Variants in HEPHL1 observed in about 807,000 individuals in gnomAD.
The protein encoded by HEPHL1 is hephaestin like 1.
In HEPHL1, 123 loss-of-function variants were observed where a neutral mutation model predicts 122.0. That is an observed-to-expected ratio of 1.01 (90% CI 0.87 to 1.17). The LOEUF (loss-of-function observed/expected upper bound fraction) is 1.17. Among genes scored for constraint, HEPHL1 ranks in the 50% most tolerant of loss-of-function variants. The pLI, the probability that HEPHL1 is intolerant of heterozygous loss-of-function variation, is 0.00. For synonymous variants in HEPHL1, 527 were observed against 508.9 expected (o/e 1.04, Z -0.48); for missense variants, 1,452 against 1,430.5 (o/e 1.01, Z -0.24).
intron 9 of HEPHL1, among the ~76,000 whole-genome samples, chr11:94,077,163 A>G (rs1361657676): frequency 6.6e-6 from 1 of 152,196 alleles, no homozygotes; most frequent in Non-Finnish European, 1.5e-5. Context: ...CCTAAAAACA[A>G]GGACCCTCTC....
chr11:94,070,439 G>C lies in HEPHL1; in HGVS notation c.1129G>C (p.Gly377Arg), dbSNP rs1431402087. The C allele has an allele frequency of 1.2e-6, 2 of 1,607,208 alleles. No individual in the cohort carries two copies. The highest frequency in any genetic ancestry group is 8.5e-7 in the Non-Finnish European group (1 of 1,176,548). The change falls in exon 6 of 20, where the codon GGT becomes CGT. Residue 377 changes from glycine (G) to arginine (R), a missense_variant. By Grantham distance (125) the Gly-to-Arg change is moderately radical. Coordinates refer to ENST00000315765, the MANE Select transcript of HEPHL1 (RefSeq NM_001098672.2). ...TGATATTTTCTACCCCAAGATGAAG[G>C]GTCAACAGAGGCGCTACTTTATAGC... is the stretch of plus-strand genomic sequence containing the variant. ...KSDIFYPKMK[G>R]QQRRYFIAAE...
At chr11:94,070,938 T>G (rs1211207998) in intron 6 of HEPHL1, among the ~76,000 whole-genome samples, 1 of 152,082 alleles carries the variant, frequency 6.6e-6, no homozygotes, top group Non-Finnish European at 1.5e-5. Context: ...CCTAAGAGGG[T>G]TACCCTTTTT....
intron 1 of HEPHL1, among the ~76,000 whole-genome samples, chr11:94,039,421 T>C (rs1185865550): frequency 6.6e-6 from 1 of 151,778 alleles, no homozygotes; most frequent in African/African-American, 2.4e-5. Context: ...AATATACATT[T>C]TTTTCAGCAC....
intron 10 of HEPHL1, among the ~76,000 whole-genome samples, chr11:94,085,647 A>T (rs1946210641): frequency 6.6e-6 from 1 of 152,236 alleles, no homozygotes; most frequent in African/African-American, 2.4e-5. Flanking sequence ...ATAGGAAAAT[A>T]ACCACAAAAG....
At position 94,088,844 on chromosome 11, in the gene HEPHL1, C is replaced by G. The variant is rs535559824; in HGVS notation, c.2170C>G (p.Pro724Ala). The change falls in exon 12 of 20, where the codon CCT becomes GCT. Residue 724 changes from proline (P) to alanine (A), a missense_variant. Transcript: ENST00000315765. ...YEVSSCDNRDPSEQRYGMIRT... is the reference protein window; with the variant it reads ...YEVSSCDNRDASEQRYGMIRT... ...GGTCAGCAGCTGTGACAACAGGGAC[C>G]CTTCTGAGCAGCGGTACGGGATGAT... 8.1e-6 allele frequency: 13 copies of G among 1,613,914 alleles called. No homozygotes were observed. In the African/African-American group the frequency reaches 1.7e-4, roughly 22 times the overall value.
intron 13 of HEPHL1, among the ~76,000 whole-genome samples, chr11:94,098,699 G>T (rs1256245053): frequency 6.6e-6 from 1 of 152,182 alleles, no homozygotes; most frequent in Non-Finnish European, 1.5e-5. Context: ...TTTCTTGGAG[G>T]CTTTGTTCGT....
chr11:94,075,026 C>T (rs1946108396), intron 8 of HEPHL1, 148 bp from the exon 9 acceptor site: 2 of 634,512 alleles, frequency 3.2e-6, no homozygotes, highest in Admixed American at 2.7e-5. Context: ...GCAGTGGCCT[C>T]TTCTGGTAGG....
intron 9 of HEPHL1, among the ~76,000 whole-genome samples, chr11:94,077,088 T>A (rs188848801): frequency 1.7e-3 from 261 of 152,342 alleles, no homozygotes; most frequent in African/African-American, 6.1e-3. Context: ...TCTTTGTTTT[T>A]ATGGGTTATT....
At chr11:94,033,615 T>C (rs189492284) in intron 1 of HEPHL1, among the ~76,000 whole-genome samples, 109 of 152,294 alleles carry the variant, frequency 7.2e-4, no homozygotes, top group Non-Finnish European at 9.0e-4. Flanking sequence ...ATAAAATCTA[T>C]TGGCTGTCCT....
intron 9 of HEPHL1, among the ~76,000 whole-genome samples, chr11:94,077,437 G>A (rs969792836): frequency 5.9e-5 from 9 of 151,930 alleles, no homozygotes; most frequent in East Asian, 1.9e-4. Flanking sequence ...TGGAGTACAC[G>A]AGATGTTTTG....
intron 2 of HEPHL1, among the ~76,000 whole-genome samples, chr11:94,053,560 G>A (rs557232406): frequency 6.6e-6 from 1 of 151,430 alleles, no homozygotes; most frequent in East Asian, 1.9e-4. Context: ...TGATTTGAGA[G>A]TTTTTTTTAA....
chr11:94,047,861 G>T (rs913742591), intron 2 of HEPHL1, among the ~76,000 whole-genome samples: 1 of 152,088 alleles, frequency 6.6e-6, no homozygotes, highest in Non-Finnish European at 1.5e-5. Flanking sequence ...CAAAAAAATT[G>T]TGGTAAAACA....
chr11:94,025,091 T>C (rs1017534318), intron 1 of HEPHL1, among the ~76,000 whole-genome samples: 1 of 152,132 alleles, frequency 6.6e-6, no homozygotes, highest in African/African-American at 2.4e-5. Context: ...CGAAAATGAA[T>C]TGAAATCATT....
intron 2 of HEPHL1, among the ~76,000 whole-genome samples, chr11:94,049,618 T>TAAAA (rs3995730): frequency 0.33 from 46,192 of 137,912 alleles, 8,692 homozygotes; most frequent in Admixed American, 0.43. Flanking sequence ...TAGGATGTAG[T>TAAAA]AAAAAAAAAA....
intron 1 of HEPHL1, among the ~76,000 whole-genome samples, chr11:94,024,138 T>G (rs912638955): frequency 6.6e-6 from 1 of 152,178 alleles, no homozygotes; most frequent in Non-Finnish European, 1.5e-5. Context: ...TTTTGGATAT[T>G]CACACTTGGG....
chr11:94,068,201 C>T (rs1946049557), intron 5 of HEPHL1, among the ~76,000 whole-genome samples: 1 of 152,138 alleles, frequency 6.6e-6, no homozygotes, highest in South Asian at 2.1e-4. Flanking sequence ...GAGGAAGCAG[C>T]ATGAACTGGG....
chr11:94,099,387 G>T (rs947245414), intron 13 of HEPHL1, among the ~76,000 whole-genome samples: 5 of 152,196 alleles, frequency 3.3e-5, no homozygotes, highest in Non-Finnish European at 7.3e-5. Flanking sequence ...TCATCTCAGA[G>T]GGGTGCCTGG....
chr11:94,037,281 G>A (rs1191175294), intron 1 of HEPHL1, among the ~76,000 whole-genome samples: 6 of 151,810 alleles, frequency 4.0e-5, no homozygotes, highest in East Asian at 3.9e-4. Flanking sequence ...AGGCGGCAGC[G>A]AGGCTGGGGG....
intron 10 of HEPHL1, among the ~76,000 whole-genome samples, chr11:94,082,925 C>T (rs994561154): frequency 1.3e-5 from 2 of 152,058 alleles, no homozygotes; most frequent in African/African-American, 4.8e-5. Context: ...CCCGTCTCTA[C>T]TAAAAATACA....
Sources: allele counts gnomAD v4.1 joint callset (sites outside exome capture counted in the v4.1 genomes callset), GRCh38; gene constraint gnomAD v4.1.1; transcripts MANE v1.5; gene names NCBI Gene and HGNC (gene_info 2026-07-23, HGNC 2026-07-21).